USP34: variants seen among roughly 807,000 people sequenced by gnomAD.
USP34 encodes ubiquitin specific peptidase 34.
A neutral mutation model predicts 460.3 loss-of-function variants in USP34; 70 were observed. The ratio of observed to expected loss-of-function variants is 0.15; its 90% CI spans 0.13 to 0.19. The LOEUF is 0.19. Ranked by LOEUF, USP34 falls within the 10% of genes least tolerant of loss-of-function variation. The pLI, the probability that USP34 is intolerant of heterozygous loss-of-function variation, is 1.00. For synonymous variants in USP34, 1,647 were observed against 1,405.3 expected, an observed-to-expected ratio of 1.17 and a Z score of -3.85; for missense variants, 3,985 against 4,236.2, an observed-to-expected ratio of 0.94 and a Z score of 1.65.
At chr2:61,448,319 A>G (rs1695176823) in intron 1 of USP34, among the ~76,000 whole-genome samples, 1 of 152,174 alleles carries the variant, frequency 6.6e-6, no homozygotes, top group Non-Finnish European at 1.5e-5. Flanking sequence ...CAAAAATAAA[A>G]AAATTTAGCC....
chr2:61,232,865 C>CT lies in USP34; in HGVS notation c.7033-334_7033-333insA, dbSNP rs1209277959. 5.7e-4 allele frequency among the ~76,000 whole-genome samples: 64 copies of CT among 112,896 alleles called. 3 individuals are homozygous for CT. Among genetic ancestry groups the CT allele is most frequent in the African/African-American group, 2.0e-3 (60 of 30,466 alleles). The allele number at this position is 112,896 out of a possible 152,430, so 74.1% of individuals were successfully genotyped here. ...AATTATATATATATATATATTCCCC[C>CT]CCCCCTTTTTTTTTTTTTTTTTTGA... is the stretch of plus-strand genomic sequence containing the variant. On this transcript the variant is annotated intron_variant, in intron 57 of 79. Transcript: ENST00000398571.
chr2:61,215,484 T>C (rs1265988997), intron 67 of USP34, among the ~76,000 whole-genome samples: 3 of 152,222 alleles, frequency 2.0e-5, no homozygotes, highest in African/African-American at 7.2e-5. Context: ...ATTAAGCCTA[T>C]GTTATAATGC....
In USP34 at chr2:61,257,947, A is replaced by G. The variant is rs13408571; in HGVS notation, c.5845-597T>C. ...AAAGCATAAAATATACAACCTTTACAGGCCGAATAAACTTTCCCAGAGATT... is the reference window on the plus strand; with the variant it reads ...AAAGCATAAAATATACAACCTTTACGGGCCGAATAAACTTTCCCAGAGATT... On this transcript the variant is annotated intron_variant, in intron 44 of 79. Coordinates refer to ENST00000398571, the MANE Select transcript of USP34 (RefSeq NM_014709.4). 8.3e-3 allele frequency among the ~76,000 whole-genome samples: 1,269 copies of G among 152,326 alleles called. 22 individuals carry two copies. Among genetic ancestry groups the G allele is most frequent in the African/African-American group, 0.028 (1,177 of 41,584 alleles).
At chr2:61,227,461 A>G (rs1338089861) in intron 61 of USP34, among the ~76,000 whole-genome samples, 1 of 152,194 alleles carries the variant, frequency 6.6e-6, no homozygotes, top group Admixed American at 6.5e-5. Context: ...ACGTAATCCC[A>G]GCATTTTGGA....
chr2:61,343,062 C>T (rs978924504), intron 16 of USP34, among the ~76,000 whole-genome samples: 4 of 152,162 alleles, frequency 2.6e-5, no homozygotes, highest in Non-Finnish European at 5.9e-5. Context: ...AGTTGTGTTT[C>T]TAAGTGTGTT....
At chr2:61,407,632 C>A (rs1256394536) in intron 2 of USP34, among the ~76,000 whole-genome samples, 1 of 152,162 alleles carries the variant, frequency 6.6e-6, no homozygotes, top group Non-Finnish European at 1.5e-5. Flanking sequence ...ACGGAACTCA[C>A]TTCTAGTGAA....
intron 1 of USP34, among the ~76,000 whole-genome samples, chr2:61,446,847 C>T (rs1414688858): frequency 1.3e-5 from 2 of 151,470 alleles, no homozygotes; most frequent in East Asian, 2.0e-4. Context: ...TGAGTAGATA[C>T]TTTGCCCATG....
chr2:61,385,963 C>T (rs1413703619), intron 5 of USP34, among the ~76,000 whole-genome samples: 1 of 146,536 alleles, frequency 6.8e-6, no homozygotes, highest in Non-Finnish European at 1.5e-5. Flanking sequence ...TCCCACTGCA[C>T]TCCAGCCTAG....
At chr2:61,352,199 T>C (rs1691961416) in intron 10 of USP34, among the ~76,000 whole-genome samples, 1 of 152,152 alleles carries the variant, frequency 6.6e-6, no homozygotes, top group Non-Finnish European at 1.5e-5. Context: ...TTTTAGAGTT[T>C]TGGATTAGGA....
At position 61,256,422 on chromosome 2, in the gene USP34, A is replaced by G. The variant is rs765437080; in HGVS notation, c.6183T>C (p.Thr2061=). ...GTACTTTCTTCCCACAATGAGAACA[A>G]GTATACATGTTATCACCTTCCAAAG... ...KDTLEGDNMY[T]CSHCGKKVRA... Residue 2061 remains threonine (T), a synonymous_variant, in exon 48 of 80, where the codon ACT becomes ACC. Transcript: ENST00000398571. 1 of 1,612,186 alleles carries G rather than the reference A, an allele frequency of 6.2e-7. No individual in the cohort carries two copies. The highest frequency in any genetic ancestry group is 8.5e-7 in the Non-Finnish European group (1 of 1,179,362).
At chr2:61,361,622 T>TG (rs34894361) in intron 10 of USP34, among the ~76,000 whole-genome samples, 51,180 of 151,970 alleles carry the variant, frequency 0.34, 8,696 homozygotes, top group South Asian at 0.38. Flanking sequence ...AGAATGAAAC[T>TG]GGATCCTTAT....
rs769234259 is a variant in USP34 at position 61,301,468 on chromosome 2, A to T, written c.3818-14T>A. 5.6e-6 allele frequency: 9 copies of T among 1,601,268 alleles called. No homozygotes were observed. In the Admixed American group the frequency reaches 1.6e-4, roughly 28 times the overall value. ...CCATGAGGCCTCCTTAAAAACAGCA[A>T]AACATGGAAATGAATTTGTTTTTAA... On this transcript the variant is annotated splice_polypyrimidine_tract_variant and intron_variant, in intron 27 of 79. Coordinates refer to ENST00000398571, the MANE Select transcript of USP34 (RefSeq NM_014709.4).
At chr2:61,414,124 G>T (rs1009643291) in intron 2 of USP34, among the ~76,000 whole-genome samples, 1 of 151,342 alleles carries the variant, frequency 6.6e-6, no homozygotes, top group South Asian at 2.1e-4. Flanking sequence ...GCCGGGCAGC[G>T]TGCACCTGTA....
In USP34 at chr2:61,300,968, C is replaced by A. The variant is rs202196844; in HGVS notation, c.4111G>T (p.Ala1371Ser). Residue 1371 changes from alanine (A) to serine (S), a missense_variant, in exon 29 of 80, where the codon GCA (alanine) becomes TCA (serine). Coordinates refer to ENST00000398571, the MANE Select transcript of USP34 (RefSeq NM_014709.4). ...ATAGTCACCTCACTATCATCCACTG[C>A]CACTTTTCCTGAGGGTGGTTTAAAT... is the stretch of plus-strand genomic sequence containing the variant. ...ASFKPPSGKVAVDDSESLRCE... is the reference protein window; with the variant it reads ...ASFKPPSGKVSVDDSESLRCE... 2 of 1,611,720 alleles carry A rather than the reference C, an allele frequency of 1.2e-6. No homozygotes were observed. The highest frequency in any genetic ancestry group is 1.7e-5 in the Admixed American group (1 of 59,564).
intron 5 of USP34, among the ~76,000 whole-genome samples, chr2:61,388,773 A>G (rs1693249249): frequency 6.6e-6 from 1 of 151,552 alleles, no homozygotes; most frequent in African/African-American, 2.4e-5. Flanking sequence ...GAATATATAT[A>G]TATATATATA....
intron 48 of USP34, among the ~76,000 whole-genome samples, chr2:61,252,596 A>T (rs1231673112): frequency 1.3e-5 from 2 of 152,270 alleles, no homozygotes; most frequent in Admixed American, 6.5e-5. Context: ...ACAGTCAAAA[A>T]TACAAAAAGT....
chr2:61,197,350 G>A (rs1686839177), intron 75 of USP34, among the ~76,000 whole-genome samples: 1 of 152,130 alleles, frequency 6.6e-6, no homozygotes, highest in African/African-American at 2.4e-5. Context: ...CATCAATTTT[G>A]AGAGCCATCG....
In USP34 at chr2:61,188,518, T is replaced by G; in HGVS notation, c.10225A>C (p.Asn3409His). The part of the protein sequence containing the change: ...GTEQDLPSPE[N>H]SSVKEYRMEV... Reference sequence around the variant, plus strand: ...ATTCGGTATTCTTTAACAGAACTATTTTCAGGGGAAGGAAGATCTTGCTCA... The same window carrying G: ...ATTCGGTATTCTTTAACAGAACTATGTTCAGGGGAAGGAAGATCTTGCTCA... Residue 3409 changes from asparagine to histidine, a missense_variant, in exon 80 of 80, where the codon AAT becomes CAT. Asn to His is a moderately conservative substitution (Grantham distance 68). Transcript: ENST00000398571. 6.2e-7 allele frequency: 1 copy of G among 1,614,230 alleles called. No homozygotes were observed. The highest frequency in any genetic ancestry group is 8.5e-7 in the Non-Finnish European group (1 of 1,180,034).
chr2:61,385,926 G>C (rs1170433740), intron 5 of USP34, among the ~76,000 whole-genome samples: 1 of 150,920 alleles, frequency 6.6e-6, no homozygotes, highest in East Asian at 1.9e-4. Flanking sequence ...AACCCCAGGA[G>C]GTGGAGGTTG....
Sources: gnomAD v4.1 joint callset for allele counts (sites outside exome capture counted in the v4.1 genomes callset) on GRCh38, gnomAD v4.1.1 for gene constraint, MANE v1.5 for transcripts, NCBI Gene and HGNC (gene_info 2026-07-23, HGNC 2026-07-21) for gene names.